Variants in GAREM1 observed in about 807,000 individuals in gnomAD.
GAREM1 encodes GRB2-associated and regulator of MAPK protein 1.
In GAREM1, 26 loss-of-function variants were observed where a neutral mutation model predicts 71.3. The ratio of observed to expected loss-of-function variants is 0.36; its 90% CI spans 0.27 to 0.51. The LOEUF is 0.51. GAREM1 is among the 20% of genes least tolerant of loss of function. The pLI is 0.95. For synonymous variants in GAREM1, 440 were observed against 433.2 expected, an observed-to-expected ratio of 1.02 and a Z score of -0.20; for missense variants, 1,026 against 1,103.1, an observed-to-expected ratio of 0.93 and a Z score of 0.99.
chr18:32,288,239 C>T, intron 3 of GAREM1, 36 bp from the exon 4 acceptor site: 1 of 1,509,702 alleles, frequency 6.6e-7, no homozygotes, highest in Non-Finnish European at 8.9e-7. Flanking sequence ...CGTTCATTTC[C>T]TTTGATCTAT....
At chr18:32,459,894 CA>C (rs1316563264) in intron 1 of GAREM1, among the ~76,000 whole-genome samples, 1 of 152,136 alleles carries the variant, frequency 6.6e-6, no homozygotes, top group African/African-American at 2.4e-5. Context: ...TGGGCCTTCT[CA>C]GGTATTTCAT....
intron 1 of GAREM1, among the ~76,000 whole-genome samples, chr18:32,428,446 T>A (rs773349797): frequency 6.6e-6 from 1 of 152,088 alleles, no homozygotes; most frequent in East Asian, 1.9e-4. Context: ...CCCCCTGTGG[T>A]TGGAACAGTG....
At chr18:32,412,281 G>C in intron 1 of GAREM1, 2 of 1,586,778 alleles carry the variant, frequency 1.3e-6, no homozygotes, top group Non-Finnish European at 1.7e-6. Flanking sequence ...TTGGTTTCGT[G>C]GTTTTGCAAA....
At chr18:32,333,888 C>A (rs1034721346) in intron 2 of GAREM1, among the ~76,000 whole-genome samples, 11 of 152,110 alleles carry the variant, frequency 7.2e-5, no homozygotes, top group African/African-American at 2.4e-4. Flanking sequence ...AGACTCAGGT[C>A]GCTACACAGG....
At chr18:32,381,901 T>TCACCTGAAGGCCTCCCACTCCTAGA (rs2048101440) in intron 2 of GAREM1, among the ~76,000 whole-genome samples, 1 of 152,166 alleles carries the variant, frequency 6.6e-6, no homozygotes, top group East Asian at 1.9e-4. Context: ...TTAACCTCGT[T>TCACCTGAAGGCCTCCCACTCCTAGA]CACCTGAAGG....
intron 2 of GAREM1, among the ~76,000 whole-genome samples, chr18:32,381,956 C>T (rs1446487155): frequency 6.6e-6 from 1 of 152,200 alleles, no homozygotes; most frequent in Non-Finnish European, 1.5e-5. Flanking sequence ...CTCAACAATT[C>T]CATGGCATTT....
At chr18:32,278,243 A>C (rs1041640895) in intron 4 of GAREM1, among the ~76,000 whole-genome samples, 2 of 152,186 alleles carry the variant, frequency 1.3e-5, no homozygotes, top group Non-Finnish European at 2.9e-5. Context: ...ATACAAGATG[A>C]TGGATCTAGG....
intron 2 of GAREM1, among the ~76,000 whole-genome samples, chr18:32,331,250 T>A (rs1163224435): frequency 6.6e-6 from 1 of 152,208 alleles, no homozygotes. Flanking sequence ...TCCCTACTAA[T>A]GGGAACCTCA....
At chr18:32,409,014 T>C (rs910277999) in intron 1 of GAREM1, among the ~76,000 whole-genome samples, 2 of 152,168 alleles carry the variant, frequency 1.3e-5, no homozygotes, top group African/African-American at 4.8e-5. Context: ...GTCTCCATAG[T>C]GCCTATCTTT....
At chr18:32,382,752 T>C (rs934245624) in intron 2 of GAREM1, among the ~76,000 whole-genome samples, 1 of 151,956 alleles carries the variant, frequency 6.6e-6, no homozygotes. Context: ...CACTGTAGGC[T>C]GGAAAGGAGG....
At chr18:32,386,638 C>T (rs577903268) in intron 2 of GAREM1, among the ~76,000 whole-genome samples, 1 of 152,164 alleles carries the variant, frequency 6.6e-6, no homozygotes, top group Non-Finnish European at 1.5e-5. Context: ...TCTGTTCATC[C>T]ATGATGACAG....
intron 3 of GAREM1, among the ~76,000 whole-genome samples, chr18:32,299,874 C>G (rs1196773310): frequency 1.3e-5 from 2 of 152,006 alleles, no homozygotes; most frequent in Non-Finnish European, 2.9e-5. Context: ...GACAGCAAAC[C>G]TTTAAAGGTT....
chr18:32,274,998 A>G (rs2041519492), intron 4 of GAREM1, among the ~76,000 whole-genome samples: 1 of 152,040 alleles, frequency 6.6e-6, no homozygotes, highest in Admixed American at 6.6e-5. Flanking sequence ...CATATACCAT[A>G]GAATATCTTT....
intron 2 of GAREM1, among the ~76,000 whole-genome samples, chr18:32,359,220 C>G (rs979376180): frequency 2.0e-5 from 3 of 152,148 alleles, no homozygotes; most frequent in Admixed American, 2.0e-4. Flanking sequence ...CAGCCCATGC[C>G]CCATACCTCC....
chr18:32,367,219 A>G (rs1190994589), intron 2 of GAREM1, among the ~76,000 whole-genome samples: 4 of 152,250 alleles, frequency 2.6e-5, no homozygotes, highest in Admixed American at 6.5e-5. Context: ...CAGTATTTTA[A>G]AAGAAATACC....
chr18:32,373,634 G>A (rs1203648110), intron 2 of GAREM1, among the ~76,000 whole-genome samples: 3 of 152,276 alleles, frequency 2.0e-5, no homozygotes, highest in Non-Finnish European at 2.9e-5. Flanking sequence ...TGCCAAAGGC[G>A]ACAGCTGACA....
chr18:32,454,851 C>T (rs2048872668), intron 1 of GAREM1, among the ~76,000 whole-genome samples: 1 of 152,176 alleles, frequency 6.6e-6, no homozygotes, highest in Non-Finnish European at 1.5e-5. Context: ...AGTATCCCAA[C>T]AACTCTGTAG....
At chr18:32,367,035 T>C (rs989088842) in intron 2 of GAREM1, among the ~76,000 whole-genome samples, 4 of 152,196 alleles carry the variant, frequency 2.6e-5, no homozygotes, top group Non-Finnish European at 5.9e-5. Context: ...TCTTTAATAT[T>C]TAACCTTATA....
At chr18:32,334,326 C>G (rs1472923214) in intron 2 of GAREM1, among the ~76,000 whole-genome samples, 1 of 152,034 alleles carries the variant, frequency 6.6e-6, no homozygotes, top group Non-Finnish European at 1.5e-5. Context: ...AAACACACGA[C>G]ACCCCGAGAT....
Sources: allele counts gnomAD v4.1 joint callset (sites outside exome capture counted in the v4.1 genomes callset), GRCh38; gene constraint gnomAD v4.1.1; transcripts MANE v1.5; gene names NCBI Gene and HGNC (gene_info 2026-07-23, HGNC 2026-07-21).